PELI1: variants seen among roughly 807,000 people sequenced by gnomAD.
The protein encoded by PELI1 is pellino E3 ubiquitin protein ligase 1.
Under a neutral mutation model 41.3 loss-of-function variants are expected in PELI1, and 15 were observed. The ratio of observed to expected loss-of-function variants is 0.36; its 90% confidence interval spans 0.24 to 0.56. The LOEUF (loss-of-function observed/expected upper bound fraction) is 0.56. Among genes scored for constraint, PELI1 ranks in the 20% least tolerant of loss-of-function variants. PELI1 has a pLI of 0.82. For synonymous variants in PELI1, 178 were observed against 180.1 expected (o/e 0.99, Z 0.09); for missense variants, 403 against 525.5 (o/e 0.77, Z 2.28).
chr2:64,126,227 G>A (rs543443086), intron 1 of PELI1, among the ~76,000 whole-genome samples: 1 of 152,186 alleles, frequency 6.6e-6, no homozygotes, highest in Non-Finnish European at 1.5e-5. Flanking sequence ...GCAGTCACAC[G>A]ATCACAGATC....
chr2:64,117,195 T>C (rs1681025464), intron 1 of PELI1, among the ~76,000 whole-genome samples: 1 of 152,190 alleles, frequency 6.6e-6, no homozygotes, highest in Admixed American at 6.5e-5. Context: ...CAAGTCTCTC[T>C]CCCTTTAAAT....
intron 1 of PELI1, among the ~76,000 whole-genome samples, chr2:64,126,314 C>T (rs1201270471): frequency 6.6e-6 from 1 of 152,198 alleles, no homozygotes; most frequent in African/African-American, 2.4e-5. Flanking sequence ...CAGGCACACA[C>T]CACCATGTCC....
intron 1 of PELI1, among the ~76,000 whole-genome samples, chr2:64,113,710 G>C (rs1302519851): frequency 1.3e-5 from 2 of 151,998 alleles, no homozygotes; most frequent in Non-Finnish European, 1.5e-5. Flanking sequence ...CATAAAATAT[G>C]TATTTATTAG....
At chr2:64,116,347 A>G (rs1287044306) in intron 1 of PELI1, among the ~76,000 whole-genome samples, 1 of 152,256 alleles carries the variant, frequency 6.6e-6, no homozygotes, top group East Asian at 1.9e-4. Flanking sequence ...TGATCCTCAC[A>G]AAGCAAGACT....
At chr2:64,102,881 C>A (rs1680494009) in intron 3 of PELI1, among the ~76,000 whole-genome samples, 1 of 144,786 alleles carries the variant, frequency 6.9e-6, no homozygotes, top group South Asian at 2.2e-4. Flanking sequence ...CTCACTCTGT[C>A]ACTCAGGCTG....
At chr2:64,105,438 C>T (rs1448680597) in intron 2 of PELI1, among the ~76,000 whole-genome samples, 1 of 152,052 alleles carries the variant, frequency 6.6e-6, no homozygotes, top group African/African-American at 2.4e-5. Flanking sequence ...AACATGTACA[C>T]ATACACACAC....
Position 64,139,715 on chromosome 2 carries a change from T to C in PELI1, c.-70+4366A>G, listed in dbSNP as rs150151701. 1.2e-4 allele frequency among the ~76,000 whole-genome samples: 18 copies of C among 152,366 alleles called. No individual in the cohort carries two copies. In the East Asian group the frequency reaches 2.5e-3, roughly 21 times the overall value. On this transcript the variant is annotated intron_variant, in intron 1 of 6. Coordinates refer to ENST00000358912, the MANE Select transcript of PELI1 (RefSeq NM_020651.4). ...GGTATCAGCATCTAGACCTGTGACA[T>C]GTAAACGGCATCAATAAACACTGAA... is the stretch of plus-strand genomic sequence containing the variant.
intron 1 of PELI1, among the ~76,000 whole-genome samples, chr2:64,137,940 T>C (rs1271353180): frequency 6.6e-6 from 1 of 152,154 alleles, no homozygotes; most frequent in Non-Finnish European, 1.5e-5. Context: ...TGGTGACTAC[T>C]CTAAAGTATA....
chr2:64,126,148 T>G (rs1382324174), intron 1 of PELI1, among the ~76,000 whole-genome samples: 1 of 152,128 alleles, frequency 6.6e-6, no homozygotes, highest in Non-Finnish European at 1.5e-5. Flanking sequence ...GGAGCAGTTC[T>G]TAAACCAAGG....
At chr2:64,130,160 C>G (rs775289451) in intron 1 of PELI1, among the ~76,000 whole-genome samples, 1 of 152,078 alleles carries the variant, frequency 6.6e-6, no homozygotes, top group Admixed American at 6.6e-5. Flanking sequence ...GGTTGTTACT[C>G]TCTATATCAC....
At position 64,101,516 on chromosome 2, in the gene PELI1, A is replaced by G. The variant is rs146837714; in HGVS notation, c.202-1017T>C. On this transcript the variant is annotated intron_variant, in intron 3 of 6. Coordinates refer to ENST00000358912, the MANE Select transcript of PELI1 (RefSeq NM_020651.4). The stretch of plus-strand genomic sequence containing the variant: ...AAGATAATATCAAAGGAGGGGAAAA[A>G]TCTAGTCATCACACAAAGGAAGTAG... Among the ~76,000 whole-genome samples the G allele has an allele frequency of 9.5e-3, 1,454 of 152,268 alleles. 17 individuals carry two copies. The highest frequency in any genetic ancestry group is 0.034 in the African/African-American group (1,392 of 41,546).
Position 64,093,502 on chromosome 2 carries a change from T to C in PELI1, c.*1200A>G, listed in dbSNP as rs1056445146. Reference sequence around the variant, plus strand: ...CTTGCTTCTGGAAGCAAAAGACATATTGGAATTAGAGAATAAACAGACCAT... The same window carrying C: ...CTTGCTTCTGGAAGCAAAAGACATACTGGAATTAGAGAATAAACAGACCAT... On this transcript the variant is annotated 3_prime_UTR_variant, in exon 7 of 7. Coordinates refer to ENST00000358912, the MANE Select transcript of PELI1 (RefSeq NM_020651.4). 9 of 152,612 alleles carry C rather than the reference T, an allele frequency of 5.9e-5. No homozygotes were observed. Among genetic ancestry groups the C allele is most frequent in the African/African-American group, 1.9e-4 (8 of 41,428 alleles). The allele number at this position is 152,612 out of a possible 1,614,324, so 9.5% of individuals were successfully genotyped here. A position where few individuals can be genotyped will look rare whatever the true frequency, so the allele number is the denominator to read the frequency against.
chr2:64,143,979 GGCCGCCGGGGAA>G (rs1430930532), intron 1 of PELI1, 90 bp downstream of exon 1: 2 of 150,062 alleles, frequency 1.3e-5, no homozygotes, highest in Admixed American at 1.3e-4. Flanking sequence ...GCCGGCTGCT[GGCCGCCGGGGAA>G]GCCGCCGAGG....
Position 64,094,882 on chromosome 2 carries a change from A to G in PELI1, c.1077T>C (p.Pro359=). ...CACACGGGCTAAACGCATGGGTTGGAGGGCCGGCGTCCACATAAAATCCAG... is the reference window on the plus strand; with the variant it reads ...CACACGGGCTAAACGCATGGGTTGGGGGGCCGGCGTCCACATAAAATCCAG... ...CEAGFYVDAG[P]PTHAFSPCGH... The change falls in exon 7 of 7, where the codon CCT becomes CCC. Residue 359 remains proline (P), a synonymous_variant. Coordinates refer to ENST00000358912, the MANE Select transcript of PELI1 (RefSeq NM_020651.4). 6.2e-7 allele frequency: 1 copy of G among 1,614,192 alleles called. No individual in the cohort carries two copies. The highest frequency in any genetic ancestry group is 8.5e-7 in the Non-Finnish European group (1 of 1,180,034).
intron 6 of PELI1, 55 bp from the exon 7 acceptor site, chr2:64,095,323 A>G (rs934533697): frequency 8.5e-6 from 11 of 1,299,748 alleles, no homozygotes; most frequent in Middle Eastern, 1.9e-4. Flanking sequence ...GGATTTTTAC[A>G]TAAGTGTTTT....
Position 64,108,299 on chromosome 2 carries a change from A to G in PELI1, c.12T>C (p.Pro4=). The G allele has an allele frequency of 6.2e-7, 1 of 1,602,950 alleles. No individual in the cohort carries two copies. Among genetic ancestry groups the G allele is most frequent in the South Asian group, 1.1e-5 (1 of 90,818 alleles). The change falls in exon 2 of 7, where the codon CCT becomes CCC. Residue 4 remains proline (P), a synonymous_variant. Transcript: ENST00000358912. The part of the protein sequence containing the change: MFS[P]DQENHPSKAP... The stretch of plus-strand genomic sequence containing the variant: ...CTTTAGATGGATGATTTTCTTGATC[A>G]GGAGAAAACATGAGCTTGGCTGTCT...
Position 64,094,562 on chromosome 2 carries a change from T to G in PELI1, c.*140A>C. 2 of 543,992 alleles carry G rather than the reference T, an allele frequency of 3.7e-6. No individual in the cohort carries two copies. The highest frequency in any genetic ancestry group is 7.0e-5 in the Admixed American group (2 of 28,728). 33.7% of individuals were successfully genotyped at this position (543,992 alleles called of 1,614,324 possible). A position where few individuals can be genotyped will look rare whatever the true frequency, so the allele number is the denominator to read the frequency against. On this transcript the variant is annotated 3_prime_UTR_variant, in exon 7 of 7. Coordinates refer to ENST00000358912, the MANE Select transcript of PELI1 (RefSeq NM_020651.4). ...GATTTTTGCTCAGAAATTGCTACTA[T>G]TTATTATAAATGTTTTAAAAAATTC... is the stretch of plus-strand genomic sequence containing the variant.
At chr2:64,097,749 T>C (rs1009814127) in intron 4 of PELI1, among the ~76,000 whole-genome samples, 1 of 152,224 alleles carries the variant, frequency 6.6e-6, no homozygotes, top group Non-Finnish European at 1.5e-5. Context: ...ATTCTTTACA[T>C]ATTTTAGCCT....
At chr2:64,110,440 A>T (rs1237559407) in intron 1 of PELI1, among the ~76,000 whole-genome samples, 1 of 152,096 alleles carries the variant, frequency 6.6e-6, no homozygotes, top group Non-Finnish European at 1.5e-5. Flanking sequence ...GACGAGGAAA[A>T]ATTGAGAGAA....
Sources: allele counts gnomAD v4.1 joint callset (sites outside exome capture counted in the v4.1 genomes callset), GRCh38; gene constraint gnomAD v4.1.1; transcripts MANE v1.5; gene names NCBI Gene and HGNC (gene_info 2026-07-23, HGNC 2026-07-21).